The following PTPRT variants were observed in gnomAD, a reference collection of about 807,000 sequenced individuals.
The protein encoded by PTPRT is receptor-type tyrosine-protein phosphatase T.
A neutral mutation model predicts 176.8 loss-of-function variants in PTPRT; 56 were observed. The observed-to-expected ratio is 0.32, with a 90% CI of 0.26 to 0.40. The LOEUF is 0.40. Ranked by LOEUF, PTPRT falls within the 10% of genes least tolerant of loss-of-function variation. The probability of loss-of-function intolerance (pLI) is 1.00; values close to 1 mark genes in which losing one functional copy is unlikely to be tolerated. For synonymous variants in PTPRT, 783 were observed against 739.0 expected (o/e 1.06, Z -0.96); for missense variants, 1,540 against 1,908.2 (o/e 0.81, Z 3.60).
chr20:42,225,738 C>T (rs1252163818), intron 15 of PTPRT, among the ~76,000 whole-genome samples: 3 of 152,176 alleles, frequency 2.0e-5, no homozygotes, highest in East Asian at 3.9e-4. Flanking sequence ...CTACAAACCC[C>T]GCCTCCCGGC....
chr20:42,946,299 G>A (rs1319992202), intron 1 of PTPRT, among the ~76,000 whole-genome samples: 1 of 152,222 alleles, frequency 6.6e-6, no homozygotes, highest in African/African-American at 2.4e-5. Flanking sequence ...GGCAGGGCCT[G>A]AATGTGGACC....
chr20:43,119,180 G>C (rs1051490425), intron 1 of PTPRT, among the ~76,000 whole-genome samples: 1 of 152,180 alleles, frequency 6.6e-6, no homozygotes, highest in Non-Finnish European at 1.5e-5. Flanking sequence ...AGTGGCAAAG[G>C]CATGACTCTG....
At chr20:42,374,004 C>T (rs1239516367) in intron 9 of PTPRT, among the ~76,000 whole-genome samples, 1 of 152,054 alleles carries the variant, frequency 6.6e-6, no homozygotes, top group Non-Finnish European at 1.5e-5. Flanking sequence ...ACTGGGGGCT[C>T]CAGGGAGGTG....
chr20:42,094,111 GT>G (rs138039793), intron 27 of PTPRT, among the ~76,000 whole-genome samples: 2,612 of 152,318 alleles, frequency 0.017, 20 homozygotes, highest in African/African-American at 0.026. Flanking sequence ...TGTTTCAAAG[GT>G]TTTATATGTC....
chr20:42,460,309 G>A (rs2070996574), intron 8 of PTPRT, among the ~76,000 whole-genome samples: 1 of 152,216 alleles, frequency 6.6e-6, no homozygotes, highest in African/African-American at 2.4e-5. Flanking sequence ...AATCCAACCA[G>A]CTGCCTGTTT....
At chr20:42,742,951 G>A (rs542386364) in intron 6 of PTPRT, among the ~76,000 whole-genome samples, 1 of 152,162 alleles carries the variant, frequency 6.6e-6, no homozygotes. Flanking sequence ...CTTACGAAGG[G>A]CCTTTCCAAT....
chr20:42,389,393 G>C (rs1248506460), intron 9 of PTPRT, among the ~76,000 whole-genome samples: 1 of 152,192 alleles, frequency 6.6e-6, no homozygotes, highest in Non-Finnish European at 1.5e-5. Flanking sequence ...CACATGTTGA[G>C]AGACATGTTA....
intron 7 of PTPRT, among the ~76,000 whole-genome samples, chr20:42,477,393 A>T (rs6130146): frequency 0.2 from 30,110 of 151,262 alleles, 3,124 homozygotes; most frequent in East Asian, 0.28. Context: ...ATATATATAT[A>T]TTTTTTTTGC....
rs577423581 is a variant in PTPRT at position 42,427,503 on chromosome 20, C to T, written c.1560+20717G>A. Among the ~76,000 whole-genome samples the T allele has an allele frequency of 1.6e-4, 22 of 141,256 alleles. No individual in the cohort carries two copies. In the East Asian group the frequency reaches 4.2e-3, roughly 27 times the overall value. The allele number at this position is 141,256 out of a possible 152,430, so 92.7% of individuals were successfully genotyped here. A position where few individuals can be genotyped will look rare whatever the true frequency, so the allele number is the denominator to read the frequency against. ...TGTCTAGTGAGGTTTTGTTCTTCAT[C>T]GATGGCGCCTTCTAGCTGTGTCTTA... On this transcript the variant is annotated intron_variant, in intron 9 of 30. Transcript: ENST00000373187.
chr20:42,734,796 G>A (rs765384826), intron 6 of PTPRT, among the ~76,000 whole-genome samples: 1 of 152,182 alleles, frequency 6.6e-6, no homozygotes, highest in Non-Finnish European at 1.5e-5. Flanking sequence ...CCAGGGGCAG[G>A]TTCTTCCAGT....
chr20:43,137,177 C>T (rs912906693), intron 1 of PTPRT, among the ~76,000 whole-genome samples: 3 of 152,004 alleles, frequency 2.0e-5, no homozygotes, highest in Non-Finnish European at 4.4e-5. Flanking sequence ...AAACTGGGGC[C>T]CAGAAGGGTG....
At chr20:42,589,992 T>C (rs1173381480) in intron 7 of PTPRT, among the ~76,000 whole-genome samples, 1 of 152,144 alleles carries the variant, frequency 6.6e-6, no homozygotes, top group Non-Finnish European at 1.5e-5. Context: ...CGTGGACCTT[T>C]GTGATGGGCT....
At chr20:43,144,889 A>T (rs2014123570) in intron 1 of PTPRT, among the ~76,000 whole-genome samples, 1 of 152,250 alleles carries the variant, frequency 6.6e-6, no homozygotes. Context: ...GTCATCAGTT[A>T]CCCCCAGGAT....
At chr20:42,570,576 T>C (rs776482520) in intron 7 of PTPRT, among the ~76,000 whole-genome samples, 1 of 152,156 alleles carries the variant, frequency 6.6e-6, no homozygotes, top group African/African-American at 2.4e-5. Flanking sequence ...CCAGAAAATG[T>C]AGCCAAAGAT....
chr20:42,324,544 A>C (rs1225502418), intron 11 of PTPRT, among the ~76,000 whole-genome samples: 1 of 152,254 alleles, frequency 6.6e-6, no homozygotes, highest in Non-Finnish European at 1.5e-5. Context: ...TGTTAAGAGA[A>C]ACAGACTGAA....
At chr20:42,341,577 C>G (rs2058112490) in intron 11 of PTPRT, among the ~76,000 whole-genome samples, 1 of 151,898 alleles carries the variant, frequency 6.6e-6, no homozygotes, top group South Asian at 2.1e-4. Flanking sequence ...TCGTAGCTCT[C>G]TGTTCTGTTT....
chr20:42,487,170 T>C (rs73125493), intron 7 of PTPRT, among the ~76,000 whole-genome samples: 1 of 152,322 alleles, frequency 6.6e-6, no homozygotes, highest in Non-Finnish European at 1.5e-5. Flanking sequence ...CTGTTCTATG[T>C]TCATTTTAAC....
chr20:42,468,134 C>T (rs949491507), intron 8 of PTPRT, among the ~76,000 whole-genome samples: 1 of 152,240 alleles, frequency 6.6e-6, no homozygotes, highest in African/African-American at 2.4e-5. Flanking sequence ...TGGATTTCTT[C>T]GCAGGCCGTC....
intron 7 of PTPRT, among the ~76,000 whole-genome samples, chr20:42,494,911 A>G (rs895690119): frequency 6.6e-6 from 1 of 152,192 alleles, no homozygotes; most frequent in African/African-American, 2.4e-5. Context: ...AGAAAACATT[A>G]ATTTAGCATC....
Sources: allele counts gnomAD v4.1 joint callset (sites outside exome capture counted in the v4.1 genomes callset), GRCh38; gene constraint gnomAD v4.1.1; transcripts MANE v1.5; gene names NCBI Gene and HGNC (gene_info 2026-07-23, HGNC 2026-07-21).